The following CBFA2T3 variants were observed in gnomAD, a reference collection of about 807,000 sequenced individuals.
The protein encoded by CBFA2T3 is CBFA2/RUNX1 partner transcriptional co-repressor 3.
CBFA2T3 carries 31 observed loss-of-function variants against 58.6 expected under a neutral mutation model. The observed-to-expected ratio is 0.53, with a 90% CI of 0.40 to 0.71. The LOEUF (loss-of-function observed/expected upper bound fraction) is 0.71, where lower values mean the gene tolerates loss of function less well. Ranked by LOEUF, CBFA2T3 falls within the 30% of genes least tolerant of loss-of-function variation. The pLI, the probability that CBFA2T3 is intolerant of heterozygous loss-of-function variation, is 0.00. For synonymous variants in CBFA2T3, 531 were observed against 421.9 expected (o/e 1.26, Z -3.17); for missense variants, 1,076 against 963.1 (o/e 1.12, Z -1.55).
In CBFA2T3 at chr16:88,932,502, C is replaced by T. The variant is rs1462876361; in HGVS notation, c.152-30846G>A. Among the ~76,000 whole-genome samples, 3 of 151,836 alleles carry T rather than the reference C, an allele frequency of 2.0e-5. No homozygotes were observed. In the East Asian group the frequency reaches 5.8e-4, roughly 29 times the overall value. ...AATTAAAAATTAAAAAAACAATTAG[C>T]TGGGCATAGTGGTGAACACCCATAG... On this transcript the variant is annotated intron_variant, in intron 1 of 11. Coordinates refer to ENST00000268679, the MANE Select transcript of CBFA2T3 (RefSeq NM_005187.6).
intron 1 of CBFA2T3, among the ~76,000 whole-genome samples, chr16:88,964,428 G>T (rs992973458): frequency 2.0e-5 from 3 of 152,236 alleles, no homozygotes; most frequent in African/African-American, 7.2e-5. Flanking sequence ...TGAGGCTTCA[G>T]TTAGGGTTAG....
chr16:88,908,526 G>A (rs1454524758), intron 1 of CBFA2T3, among the ~76,000 whole-genome samples: 4 of 152,138 alleles, frequency 2.6e-5, no homozygotes, highest in Non-Finnish European at 2.9e-5. Context: ...AGCCTGCAAT[G>A]TGCCGGGGCC....
In CBFA2T3 at chr16:88,976,934, G is replaced by A. The variant is rs1251940571; in HGVS notation, c.-127C>T. 3 of 1,224,332 alleles carry A rather than the reference G, an allele frequency of 2.5e-6. No individual in the cohort carries two copies. The highest frequency in any genetic ancestry group is 1.6e-5 in the South Asian group (1 of 63,490). The allele number at this position is 1,224,332 out of a possible 1,614,324, so 75.8% of individuals were successfully genotyped here. A position where few individuals can be genotyped will look rare whatever the true frequency, so the allele number is the denominator to read the frequency against. On this transcript the variant is annotated 5_prime_UTR_variant, in exon 1 of 12. Coordinates refer to ENST00000268679, the MANE Select transcript of CBFA2T3 (RefSeq NM_005187.6). Reference sequence around the variant, plus strand: ...GGGCCAGCTGGGGCGTCCTGGAGTTGGGCCTCTGTCCCTGGAAAGCCGAGG... The same window carrying A: ...GGGCCAGCTGGGGCGTCCTGGAGTTAGGCCTCTGTCCCTGGAAAGCCGAGG...
chr16:88,897,144 G>C (rs1250424320), intron 3 of CBFA2T3, among the ~76,000 whole-genome samples: 1 of 152,238 alleles, frequency 6.6e-6, no homozygotes, highest in Non-Finnish European at 1.5e-5. Flanking sequence ...GGGGGCTCCG[G>C]GATCTGGGAT....
intron 5 of CBFA2T3, among the ~76,000 whole-genome samples, chr16:88,888,054 T>G (rs1158066926): frequency 1.3e-5 from 2 of 152,038 alleles, no homozygotes; most frequent in African/African-American, 4.8e-5. Context: ...ACTAGCGCTG[T>G]GGAGCCTCTG....
chr16:88,923,717 T>C (rs1970996868), intron 1 of CBFA2T3, among the ~76,000 whole-genome samples: 1 of 151,926 alleles, frequency 6.6e-6, no homozygotes, highest in African/African-American at 2.4e-5. Flanking sequence ...GCTGTCAGGG[T>C]GGGAAGGCTC....
At position 88,882,744 on chromosome 16, in the gene CBFA2T3, G is replaced by C; in HGVS notation, c.1135C>G (p.Gln379Glu). The change falls in exon 8 of 12, where the codon CAG (glutamine) becomes GAG (glutamate). Residue 379 changes from glutamine to glutamate, a missense_variant. By Grantham distance (29) the Gln-to-Glu change is conservative. Transcript: ENST00000268679. ...HRPLVVPGSR[Q>E]EEVIDHKLTE... Reference sequence around the variant, plus strand: ...AGCTTGTGGTCGATCACTTCTTCCTGCCGGGACCCAGGCACCACTGTGGAT... The same window carrying C: ...AGCTTGTGGTCGATCACTTCTTCCTCCCGGGACCCAGGCACCACTGTGGAT... 6.3e-7 allele frequency: 1 copy of C among 1,582,392 alleles called. No individual in the cohort carries two copies. Among genetic ancestry groups the C allele is most frequent in the South Asian group, 1.2e-5 (1 of 86,810 alleles).
rs185422292 is a variant in CBFA2T3 at position 88,924,525 on chromosome 16, C to T, written c.152-22869G>A. 6.2e-3 allele frequency among the ~76,000 whole-genome samples: 938 copies of T among 152,144 alleles called. 5 individuals carry two copies. Among genetic ancestry groups the T allele is most frequent in the Middle Eastern group, 0.02 (6 of 294 alleles). On this transcript the variant is annotated intron_variant, in intron 1 of 11. Coordinates refer to ENST00000268679, the MANE Select transcript of CBFA2T3 (RefSeq NM_005187.6). ...CAGGGGGAGAAGAGCGGGCGGAGGG[C>T]CCAGTGGTGGCTGCGGGGGCCACCA... is the stretch of plus-strand genomic sequence containing the variant.
chr16:88,956,050 C>T (rs1364809237), intron 1 of CBFA2T3, among the ~76,000 whole-genome samples: 1 of 152,280 alleles, frequency 6.6e-6, no homozygotes, highest in East Asian at 1.9e-4. Context: ...GCTCCCGACC[C>T]TGCCCAGGGC....
At chr16:88,906,995 G>A (rs989960076) in intron 1 of CBFA2T3, among the ~76,000 whole-genome samples, 3 of 151,546 alleles carry the variant, frequency 2.0e-5, no homozygotes, top group African/African-American at 4.8e-5. Flanking sequence ...TACAGGGTCT[G>A]GGGTAGCACC....
intron 1 of CBFA2T3, among the ~76,000 whole-genome samples, chr16:88,906,444 C>T (rs72815507): frequency 0.027 from 4,087 of 152,328 alleles, 82 homozygotes; most frequent in Non-Finnish European, 0.045. Context: ...CCGCTCCAGC[C>T]GCAAGACGGC....
intron 1 of CBFA2T3, among the ~76,000 whole-genome samples, chr16:88,949,316 C>T (rs576263594): frequency 3.3e-5 from 5 of 152,170 alleles, no homozygotes; most frequent in South Asian, 2.1e-4. Context: ...CCCAGCACTT[C>T]GGGAGGCCGA....
rs570569728 is a variant in CBFA2T3, at chr16:88,898,220, G to A, written c.305-68C>T. 268 of 1,223,186 alleles carry A rather than the reference G, an allele frequency of 2.2e-4. 1 individual carries two copies. The highest frequency in any genetic ancestry group is 2.2e-3 in the Middle Eastern group (9 of 4,138). The allele number at this position is 1,223,186 out of a possible 1,614,324, so 75.8% of individuals were successfully genotyped here. On this transcript the variant is annotated intron_variant, in intron 2 of 11. Coordinates refer to ENST00000268679, the MANE Select transcript of CBFA2T3 (RefSeq NM_005187.6). ...GGCAGGAGACTCTGCCCTCAGGGGCGCCCGCGGCCACCTTTTCCTACTTCT... is the reference window on the plus strand; with the variant it reads ...GGCAGGAGACTCTGCCCTCAGGGGCACCCGCGGCCACCTTTTCCTACTTCT...
chr16:88,945,851 C>T (rs1422674099), intron 1 of CBFA2T3, among the ~76,000 whole-genome samples: 2 of 152,236 alleles, frequency 1.3e-5, no homozygotes, highest in Non-Finnish European at 2.9e-5. Flanking sequence ...AATGTCCACA[C>T]AAAACCCTGC....
At chr16:88,975,143 C>A (rs1160556198) in intron 1 of CBFA2T3, among the ~76,000 whole-genome samples, 1 of 143,820 alleles carries the variant, frequency 7.0e-6, no homozygotes, top group Non-Finnish European at 1.5e-5. Context: ...TGACCTGCAG[C>A]CATGTCAGAG....
rs750856091 is a variant in CBFA2T3 at position 88,885,905 on chromosome 16, G to C, written c.893+56C>G. The C allele has an allele frequency of 6.8e-7, 1 of 1,461,562 alleles. No individual in the cohort carries two copies. Among genetic ancestry groups the C allele is most frequent in the Non-Finnish European group, 9.3e-7 (1 of 1,074,780 alleles). 90.5% of individuals were successfully genotyped at this position (1,461,562 alleles called of 1,614,324 possible). A position where few individuals can be genotyped will look rare whatever the true frequency, so the allele number is the denominator to read the frequency against. Reference sequence around the variant, plus strand: ...TCCCTCTCTTACCCAGAGGGGAGCAGGGTGAGCCGCGTGTCCACGGCACCC... The same window carrying C: ...TCCCTCTCTTACCCAGAGGGGAGCACGGTGAGCCGCGTGTCCACGGCACCC... On this transcript the variant is annotated intron_variant, in intron 6 of 11. Transcript: ENST00000268679. This position sits in a 1 kb window ranked among gnomAD's most constrained non-coding sequence, Gnocchi z 5.3.
rs55705074 is a variant in CBFA2T3, at chr16:88,953,229, C to T, written c.151+23428G>A. 4.3e-3 allele frequency among the ~76,000 whole-genome samples: 652 copies of T among 152,356 alleles called. 3 individuals carry two copies. Among genetic ancestry groups the T allele is most frequent in the Non-Finnish European group, 6.5e-3 (445 of 68,032 alleles). On this transcript the variant is annotated intron_variant, in intron 1 of 11. Transcript: ENST00000268679. This position sits in a 1 kb window ranked among gnomAD's most constrained non-coding sequence, Gnocchi z 4.9. ...TTGTCATGCTCAGCCAGACCCGCTC[C>T]CGGTGGAGAGGCCGAGGGACCCTCA...
At chr16:88,911,379 G>C (rs1970525510) in intron 1 of CBFA2T3, among the ~76,000 whole-genome samples, 1 of 152,246 alleles carries the variant, frequency 6.6e-6, no homozygotes, top group Non-Finnish European at 1.5e-5. Context: ...ATGTGTATGA[G>C]TCTCTGGCTC....
intron 1 of CBFA2T3, among the ~76,000 whole-genome samples, chr16:88,975,084 C>T (rs1972765870): frequency 1.1e-5 from 1 of 93,344 alleles, no homozygotes; most frequent in Non-Finnish European, 2.4e-5. Context: ...TGGGGGTGGG[C>T]ACAGTGGCTG....
Sources: gnomAD v4.1 joint callset for allele counts (sites outside exome capture counted in the v4.1 genomes callset) on GRCh38, gnomAD v4.1.1 for gene constraint, Gnocchi (gnomAD v3.1) non-coding constraint, MANE v1.5 for transcripts, NCBI Gene and HGNC (gene_info 2026-07-23, HGNC 2026-07-21) for gene names.